SEC31A: variants seen among roughly 807,000 people sequenced by gnomAD.
The protein encoded by SEC31A is SEC31 homolog A, COPII component.
SEC31A carries 70 observed loss-of-function variants against 151.0 expected under a neutral mutation model. The ratio of observed to expected loss-of-function variants is 0.46; its 90% confidence interval spans 0.38 to 0.57. SEC31A has a LOEUF of 0.57. Among genes scored for constraint, SEC31A ranks in the 20% least tolerant of loss-of-function variants. SEC31A has a pLI of 0.00. For synonymous variants in SEC31A, 475 were observed against 505.9 expected, an observed-to-expected ratio of 0.94 and a Z score of 0.82; for missense variants, 1,330 against 1,471.2, an observed-to-expected ratio of 0.90 and a Z score of 1.57.
chr4:82,884,761 T>C (rs1329356767), intron 1 of SEC31A, among the ~76,000 whole-genome samples: 2 of 152,208 alleles, frequency 1.3e-5, no homozygotes, highest in Admixed American at 1.3e-4. Context: ...TGAATTGTTC[T>C]TGGGACCTAG....
intron 14 of SEC31A, among the ~76,000 whole-genome samples, chr4:82,861,345 T>A (rs1443606376): frequency 1.3e-5 from 2 of 152,238 alleles, no homozygotes; most frequent in Non-Finnish European, 2.9e-5. Context: ...GAATAAAATC[T>A]CTTTTCAGTT....
chr4:82,866,712 TA>T, intron 10 of SEC31A, 95 bp downstream of exon 10: 1 of 1,103,966 alleles, frequency 9.1e-7, no homozygotes, highest in Non-Finnish European at 1.2e-6. Flanking sequence ...AATCCCAACT[TA>T]AACCCTGATT....
chr4:82,847,786 G>C (rs770658434), intron 20 of SEC31A, among the ~76,000 whole-genome samples: 1 of 152,130 alleles, frequency 6.6e-6, no homozygotes, highest in East Asian at 1.9e-4. Flanking sequence ...ACAGCAGCCA[G>C]AGCAATGCCA....
At chr4:82,880,307 T>G (rs1292167506) in intron 3 of SEC31A, among the ~76,000 whole-genome samples, 1 of 152,138 alleles carries the variant, frequency 6.6e-6, no homozygotes, top group Non-Finnish European at 1.5e-5. Context: ...CAGAACATAC[T>G]GGCCAAGCGT....
At chr4:82,828,908 T>C in intron 23 of SEC31A, 92 bp downstream of exon 23, 1 of 970,710 alleles carries the variant, frequency 1.0e-6, no homozygotes, top group Admixed American at 1.9e-5. Flanking sequence ...AGCTTCGCCT[T>C]TAAAAGGATC....
chr4:82,827,289 AT>A, intron 24 of SEC31A, 79 bp downstream of exon 24: 1 of 1,426,400 alleles, frequency 7.0e-7, no homozygotes, highest in South Asian at 1.3e-5. Flanking sequence ...TAATCATGCA[AT>A]CATAAAAGTT....
At chr4:82,885,329 T>A (rs1740436450) in intron 1 of SEC31A, among the ~76,000 whole-genome samples, 1 of 152,226 alleles carries the variant, frequency 6.6e-6, no homozygotes, top group East Asian at 1.9e-4. Context: ...TAATAATTTT[T>A]AAAAAGTCTT....
intron 5 of SEC31A, 77 bp from the exon 6 acceptor site, chr4:82,874,828 C>A: frequency 1.3e-6 from 2 of 1,523,484 alleles, no homozygotes; most frequent in Non-Finnish European, 1.8e-6. Context: ...TTGGATCCTT[C>A]ATTTTGAAAA....
At chr4:82,860,045 G>T (rs1019507659) in intron 14 of SEC31A, among the ~76,000 whole-genome samples, 6 of 152,102 alleles carry the variant, frequency 3.9e-5, no homozygotes, top group African/African-American at 1.4e-4. Flanking sequence ...GCCCGCCTCG[G>T]CCTCCCAAAG....
chr4:82,869,924 AT>A (rs1344252996), intron 8 of SEC31A, among the ~76,000 whole-genome samples: 1 of 152,216 alleles, frequency 6.6e-6, no homozygotes, highest in African/African-American at 2.4e-5. Flanking sequence ...GGAAAACTGT[AT>A]CTACTGATTT....
intron 17 of SEC31A, among the ~76,000 whole-genome samples, chr4:82,854,454 A>C (rs1732177230): frequency 6.6e-6 from 1 of 152,026 alleles, no homozygotes; most frequent in Admixed American, 6.5e-5. Flanking sequence ...TTTTTATACT[A>C]GTAGCCTTAA....
intron 20 of SEC31A, among the ~76,000 whole-genome samples, chr4:82,846,228 C>A (rs1578204828): frequency 6.6e-6 from 1 of 151,412 alleles, no homozygotes; most frequent in African/African-American, 2.4e-5. Context: ...TGGTCTCGAT[C>A]TCCTGACCTC....
chr4:82,877,402 A>T (rs937445475), intron 4 of SEC31A: 1 of 149,030 alleles, frequency 6.7e-6, no homozygotes, highest in Non-Finnish European at 1.5e-5. Context: ...TTTTCCAGAC[A>T]GGGTCTCTAT....
chr4:82,885,042 C>T (rs1031016108), intron 1 of SEC31A, among the ~76,000 whole-genome samples: 5 of 152,132 alleles, frequency 3.3e-5, no homozygotes, highest in African/African-American at 1.2e-4. Context: ...GTCAAATATA[C>T]ACTTTAGCTT....
In SEC31A at chr4:82,842,436, G is replaced by A. The variant is rs1353902975; in HGVS notation, c.2672C>T (p.Ala891Val). 4 of 1,613,722 alleles carry A rather than the reference G, an allele frequency of 2.5e-6. No individual in the cohort carries two copies. The highest frequency in any genetic ancestry group is 3.4e-6 in the Non-Finnish European group (4 of 1,179,912). ...AACAGGCTGCTGAGGTCGATACATTGCTGACCCCCCTGTTCCGAAGGGATA... is the reference window on the plus strand; with the variant it reads ...AACAGGCTGCTGAGGTCGATACATTACTGACCCCCCTGTTCCGAAGGGATA... ...QPYPFGTGGS[A>V]MYRPQQPVAP... The change falls in exon 22 of 27, where the codon GCA becomes GTA. Residue 891 changes from alanine (A) to valine (V), a missense_variant. Coordinates refer to ENST00000395310, the MANE Select transcript of SEC31A (RefSeq NM_001077207.4).
chr4:82,882,946 C>T (rs1163990087), intron 1 of SEC31A, among the ~76,000 whole-genome samples: 3 of 152,128 alleles, frequency 2.0e-5, no homozygotes, highest in Admixed American at 6.6e-5. Flanking sequence ...GGCAAAACCC[C>T]GTCTCTATTA....
chr4:82,826,775 A>G (rs962222584), intron 24 of SEC31A, among the ~76,000 whole-genome samples: 1 of 152,244 alleles, frequency 6.6e-6, no homozygotes, highest in Non-Finnish European at 1.5e-5. Context: ...TTACTTGGGC[A>G]GGAGCTTGTT....
At chr4:82,897,201 A>C (rs768839922) in intron 3 of SEC31A, among the ~76,000 whole-genome samples, 1 of 152,228 alleles carries the variant, frequency 6.6e-6, no homozygotes, top group Non-Finnish European at 1.5e-5. Context: ...AAAACAAAGC[A>C]TAACTAGTTT....
Position 82,872,100 on chromosome 4 carries a change from A to C in SEC31A, c.640-14T>G, listed in dbSNP as rs995442030. The C allele has an allele frequency of 1.0e-5, 16 of 1,599,870 alleles. No homozygotes were observed. Among genetic ancestry groups the C allele is most frequent in the African/African-American group, 1.3e-5 (1 of 74,690 alleles). On this transcript the variant is annotated splice_polypyrimidine_tract_variant and intron_variant, in intron 6 of 26. Transcript: ENST00000395310. ...AGAACAATGCATCTGAAGATAGTTAAGGTTCACATTTTATGAATCAAATTA... is the reference window on the plus strand; with the variant it reads ...AGAACAATGCATCTGAAGATAGTTACGGTTCACATTTTATGAATCAAATTA...
Sources: gnomAD v4.1 joint callset for allele counts (sites outside exome capture counted in the v4.1 genomes callset) on GRCh38, gnomAD v4.1.1 for gene constraint, MANE v1.5 for transcripts, NCBI Gene and HGNC (gene_info 2026-07-23, HGNC 2026-07-21) for gene names.